Variants in GRAMD2B observed in about 807,000 individuals in gnomAD.
GRAMD2B encodes GRAM domain containing 2B.
A neutral mutation model predicts 59.2 loss-of-function variants in GRAMD2B; 41 were observed. The ratio of observed to expected loss-of-function variants is 0.69; its 90% CI spans 0.54 to 0.90. The LOEUF is 0.90. Ranked by LOEUF, GRAMD2B falls within the 40% of genes least tolerant of loss-of-function variation. The pLI is 0.00. For missense variants in GRAMD2B, 424 were observed against 500.5 expected, an observed-to-expected ratio of 0.85 and a Z score of 1.46; for synonymous variants, 161 against 182.7, an observed-to-expected ratio of 0.88 and a Z score of 0.96.
At chr5:126,419,430 C>T (rs1037898217), upstream of GRAMD2B, among the ~76,000 whole-genome samples, 2 of 152,108 alleles carry the variant, frequency 1.3e-5, no homozygotes, top group Non-Finnish European at 2.9e-5. Context: ...GGTGGTGCTA[C>T]ACCATTAGAA....
chr5:126,487,800 T>C (rs1464890609), intron 12 of GRAMD2B, among the ~76,000 whole-genome samples: 2 of 152,222 alleles, frequency 1.3e-5, no homozygotes, highest in Non-Finnish European at 2.9e-5. Context: ...TTTAATGTCT[T>C]ACAGTTTGCA....
chr5:126,389,376 C>G (rs1338578467), intron 1 of GRAMD2B, among the ~76,000 whole-genome samples: 3 of 152,182 alleles, frequency 2.0e-5, no homozygotes, highest in Admixed American at 2.0e-4. Context: ...TTTCGATCTT[C>G]TCTCCCGCTG....
chr5:126,464,675 G>A (rs1767977036), intron 1 of GRAMD2B, among the ~76,000 whole-genome samples: 2 of 152,140 alleles, frequency 1.3e-5, no homozygotes, highest in Non-Finnish European at 2.9e-5. Flanking sequence ...CCTAGACCCC[G>A]TGGTTAAGAC....
At chr5:126,426,530 A>G (rs916976603) in intron 1 of GRAMD2B, among the ~76,000 whole-genome samples, 7 of 152,174 alleles carry the variant, frequency 4.6e-5, no homozygotes, top group African/African-American at 1.7e-4. Context: ...ACATATATTA[A>G]TTCACCCACT....
intron 1 of GRAMD2B, among the ~76,000 whole-genome samples, chr5:126,381,183 T>C (rs1650818198): frequency 6.6e-6 from 1 of 152,214 alleles, no homozygotes; most frequent in Admixed American, 6.5e-5. Flanking sequence ...TTTAATTCTG[T>C]TTATGTGGTA....
chr5:126,451,284 C>G (rs1765325652), intron 1 of GRAMD2B, among the ~76,000 whole-genome samples: 2 of 152,196 alleles, frequency 1.3e-5, no homozygotes, highest in African/African-American at 4.8e-5. Context: ...ATTTGCATTG[C>G]TATAAAAGAA....
chr5:126,466,005 G>A (rs1045059279), intron 2 of GRAMD2B, among the ~76,000 whole-genome samples: 1 of 152,158 alleles, frequency 6.6e-6, no homozygotes, highest in African/African-American at 2.4e-5. Context: ...GGCCGGAGGG[G>A]AGAGGTGGTT....
At chr5:126,475,838 G>A (rs1022516495) in intron 5 of GRAMD2B, among the ~76,000 whole-genome samples, 1 of 152,260 alleles carries the variant, frequency 6.6e-6, no homozygotes, top group African/African-American at 2.4e-5. Context: ...GCCGGGCGCA[G>A]TGGTTCACAC....
At chr5:126,373,591 G>A (rs186902542) in intron 1 of GRAMD2B, among the ~76,000 whole-genome samples, 93 of 152,316 alleles carry the variant, frequency 6.1e-4, no homozygotes, top group Admixed American at 1.1e-3. Context: ...TGCTCTCATG[G>A]AGATTTAGTT....
chr5:126,387,483 A>T (rs1756265110), intron 1 of GRAMD2B, among the ~76,000 whole-genome samples: 1 of 151,698 alleles, frequency 6.6e-6, no homozygotes, highest in Non-Finnish European at 1.5e-5. Flanking sequence ...CTAAGAGAAG[A>T]TGGTTCTCCA....
intron 1 of GRAMD2B, among the ~76,000 whole-genome samples, chr5:126,389,529 A>G (rs1756511284): frequency 6.6e-6 from 1 of 152,228 alleles, no homozygotes; most frequent in Non-Finnish European, 1.5e-5. Flanking sequence ...AGAGCCCCTG[A>G]ATGGTTTTTT....
rs745549908 is a variant in GRAMD2B, at chr5:126,480,643, A to G, written c.671A>G (p.Asn224Ser). Residue 224 changes from asparagine to serine, a missense_variant, in exon 8 of 14, where the codon AAC (asparagine) becomes AGC (serine). Asn to Ser is a conservative substitution (Grantham distance 46, BLOSUM62 1). Transcript: ENST00000285689. ...CGHLENTSVG[N>S]SPNPSSAENS... ...TAATTTCAGAATACAAGTGTTGGTA[A>G]CAGTCCCAATCCATCTTCTGCTGAA... 8.7e-6 allele frequency: 14 copies of G among 1,613,982 alleles called. No homozygotes were observed. In the Middle Eastern group the frequency reaches 4.9e-4, roughly 57 times the overall value.
At chr5:126,462,717 C>T (rs539925123) in intron 1 of GRAMD2B, among the ~76,000 whole-genome samples, 45 of 152,086 alleles carry the variant, frequency 3.0e-4, no homozygotes, top group African/African-American at 9.9e-4. Context: ...AGAAAAGGTA[C>T]CAGTACAAGG....
intron 10 of GRAMD2B, among the ~76,000 whole-genome samples, 179 bp downstream of exon 10, chr5:126,484,703 C>G (rs1194091760): frequency 1.3e-5 from 2 of 152,110 alleles, no homozygotes; most frequent in Non-Finnish European, 2.9e-5. Flanking sequence ...CGTACCTCAG[C>G]CTCCTGAGTA....
chr5:126,399,123 T>C (rs1757611791), intron 1 of GRAMD2B, among the ~76,000 whole-genome samples: 1 of 152,206 alleles, frequency 6.6e-6, no homozygotes, highest in African/African-American at 2.4e-5. Context: ...TGGTCTACAG[T>C]GTTTTTCAAG....
At chr5:126,462,537 C>A in intron 1 of GRAMD2B, 1 of 573,044 alleles carries the variant, frequency 1.7e-6, no homozygotes, top group Non-Finnish European at 2.2e-6. Context: ...ATCAAATTGA[C>A]TCGTAGATGA....
At chr5:126,434,603 C>G (rs949697822) in intron 1 of GRAMD2B, among the ~76,000 whole-genome samples, 1 of 151,942 alleles carries the variant, frequency 6.6e-6, no homozygotes, top group East Asian at 1.9e-4. Flanking sequence ...CTGCAAGCTC[C>G]GCCTCCCGGG....
At chr5:126,393,320 G>A (rs1017495053) in intron 1 of GRAMD2B, among the ~76,000 whole-genome samples, 2 of 152,136 alleles carry the variant, frequency 1.3e-5, no homozygotes, top group African/African-American at 4.8e-5. Context: ...CTCACTAATA[G>A]ATGTATTCTC....
At chr5:126,445,093 AT>A (rs1236586122) in intron 1 of GRAMD2B, among the ~76,000 whole-genome samples, 4 of 152,106 alleles carry the variant, frequency 2.6e-5, no homozygotes, top group African/African-American at 9.7e-5. Context: ...TATCCACTCT[AT>A]AATTGATGGG....
Sources: gnomAD v4.1 joint callset for allele counts (sites outside exome capture counted in the v4.1 genomes callset) on GRCh38, gnomAD v4.1.1 for gene constraint, MANE v1.5 for transcripts, NCBI Gene and HGNC (gene_info 2026-07-23, HGNC 2026-07-21) for gene names.